The following GNA13 variants were observed in gnomAD, a reference collection of about 807,000 sequenced individuals.
GNA13 encodes G protein subunit alpha 13.
In GNA13, 4 loss-of-function variants were observed where a neutral mutation model predicts 33.5. The ratio of observed to expected loss-of-function variants is 0.12; its 90% CI spans 0.06 to 0.27. The LOEUF (loss-of-function observed/expected upper bound fraction) is 0.27, where lower values mean the gene tolerates loss of function less well. GNA13 is among the 10% of genes least tolerant of loss of function. GNA13 has a pLI of 1.00. For synonymous variants in GNA13, 176 were observed against 183.8 expected (o/e 0.96, Z 0.34); for missense variants, 319 against 487.2 (o/e 0.65, Z 3.25).
At chr17:65,025,456 C>T (rs1362522177) in intron 2 of GNA13, among the ~76,000 whole-genome samples, 1 of 152,162 alleles carries the variant, frequency 6.6e-6, no homozygotes, top group Non-Finnish European at 1.5e-5. Context: ...TTCAAGCTAA[C>T]TCAGATTTTG....
rs749328162 is a variant in GNA13, at chr17:65,014,278, G to A, written c.1113C>T (p.Leu371=). The change falls in exon 4 of 4, where the codon CTC becomes CTT. Residue 371 remains leucine (L), a synonymous_variant. Coordinates refer to ENST00000439174, the MANE Select transcript of GNA13 (RefSeq NM_006572.6). The surrounding 1 kb of genome is among the most constrained non-coding windows in gnomAD (Gnocchi z 5.3). ...DVKDTILHDN[L]KQLMLQ ...TACATCACTGTAGCATAAGCTGCTT[G>A]AGGTTGTCATGCAGAATAGTATCCT... 16 of 1,604,476 alleles carry A rather than the reference G, an allele frequency of 1.0e-5. No individual in the cohort carries two copies. The highest frequency in any genetic ancestry group is 1.7e-5 in the Admixed American group (1 of 59,992).
intron 2 of GNA13, among the ~76,000 whole-genome samples, chr17:65,029,902 A>T (rs957445437): frequency 3.2e-4 from 48 of 152,266 alleles, no homozygotes; most frequent in African/African-American, 1.2e-3. Context: ...TCTGCCACTA[A>T]ATTCCACTTG....
intron 2 of GNA13, among the ~76,000 whole-genome samples, chr17:65,030,626 T>C (rs1343858684): frequency 6.6e-6 from 1 of 152,218 alleles, no homozygotes; most frequent in Non-Finnish European, 1.5e-5. Flanking sequence ...CAGAATTTAA[T>C]TGCAGGCCAA....
intron 3 of GNA13, among the ~76,000 whole-genome samples, chr17:65,016,454 C>T (rs1296065675): frequency 6.6e-6 from 1 of 152,150 alleles, no homozygotes; most frequent in African/African-American, 2.4e-5. Flanking sequence ...CTGCGCCTCC[C>T]AGGTTCAAGC....
At chr17:65,029,777 T>C (rs1906935826) in intron 2 of GNA13, among the ~76,000 whole-genome samples, 3 of 152,230 alleles carry the variant, frequency 2.0e-5, no homozygotes, top group Admixed American at 1.3e-4. Context: ...GAATTTTTTG[T>C]ATTATAACTT....
chr17:65,032,100 C>T (rs1429317825), intron 2 of GNA13, among the ~76,000 whole-genome samples: 1 of 152,064 alleles, frequency 6.6e-6, no homozygotes, highest in Admixed American at 6.6e-5. Flanking sequence ...GAAGTCTATT[C>T]AGAAGCCATT....
intron 2 of GNA13, among the ~76,000 whole-genome samples, chr17:65,035,766 A>G (rs1210183027): frequency 1.3e-5 from 2 of 151,574 alleles, no homozygotes; most frequent in African/African-American, 4.8e-5. Context: ...TCAGAACTAG[A>G]ACCCTTCGTT....
At chr17:65,034,328 T>C (rs1038823861) in intron 2 of GNA13, among the ~76,000 whole-genome samples, 1 of 152,098 alleles carries the variant, frequency 6.6e-6, no homozygotes, top group African/African-American at 2.4e-5. Flanking sequence ...TTCCTCTTTA[T>C]ATCAAGTTTT....
At chr17:65,052,506 C>T (rs981901794) in intron 2 of GNA13, among the ~76,000 whole-genome samples, 1 of 152,196 alleles carries the variant, frequency 6.6e-6, no homozygotes, top group African/African-American at 2.4e-5. Flanking sequence ...GAGTAAAACA[C>T]TTCAGATCTG....
intron 2 of GNA13, among the ~76,000 whole-genome samples, chr17:65,033,219 T>G (rs1277533741): frequency 6.6e-6 from 1 of 152,060 alleles, no homozygotes; most frequent in Non-Finnish European, 1.5e-5. Flanking sequence ...ACACACTGGC[T>G]GACACCTGTA....
At position 65,010,300 on chromosome 17, in the gene GNA13, A is replaced by C. The variant is rs572177961; in HGVS notation, c.*3957T>G. ...TTGATGGAACTTGAAAAAGCCATAAAGTCCAACTTGTTTAAAATGTTCAGA... is the reference window on the plus strand; with the variant it reads ...TTGATGGAACTTGAAAAAGCCATAACGTCCAACTTGTTTAAAATGTTCAGA... On this transcript the variant is annotated 3_prime_UTR_variant, in exon 4 of 4. Coordinates refer to ENST00000439174, the MANE Select transcript of GNA13 (RefSeq NM_006572.6). Among the ~76,000 whole-genome samples, 67 of 152,230 alleles carry C rather than the reference A, an allele frequency of 4.4e-4. No individual in the cohort carries two copies. The highest frequency in any genetic ancestry group is 1.0e-3 in the South Asian group (5 of 4,820).
At position 65,012,511 on chromosome 17, in the gene GNA13, G is replaced by A. The variant is rs1386681290; in HGVS notation, c.*1746C>T. The stretch of plus-strand genomic sequence containing the variant: ...ACCATGAACTTGCATCACGGTGCCG[G>A]GCTACGTATGTGTAGCTCATGGATT... On this transcript the variant is annotated 3_prime_UTR_variant, in exon 4 of 4. Transcript: ENST00000439174. 4 of 218,612 alleles carry A rather than the reference G, an allele frequency of 1.8e-5. No individual in the cohort carries two copies. Among genetic ancestry groups the A allele is most frequent in the Non-Finnish European group, 3.7e-5 (4 of 108,830 alleles). The allele number at this position is 218,612 out of a possible 1,614,324, so 13.5% of individuals were successfully genotyped here. A position where few individuals can be genotyped will look rare whatever the true frequency, so the allele number is the denominator to read the frequency against.
At chr17:65,018,092 T>TTAA (rs1906437129) in intron 3 of GNA13, among the ~76,000 whole-genome samples, 161 bp downstream of exon 3, 1 of 21,474 alleles carries the variant, frequency 4.7e-5, no homozygotes, top group African/African-American at 1.4e-4. Context: ...ACGCCACCAC[T>TTAA]AAAAAAAAAA....
At chr17:65,046,698 C>T (rs1045222338) in intron 2 of GNA13, among the ~76,000 whole-genome samples, 2 of 152,164 alleles carry the variant, frequency 1.3e-5, no homozygotes, top group Non-Finnish European at 2.9e-5. Context: ...AGTAAGCTCA[C>T]AAACCTTTTT....
intron 2 of GNA13, among the ~76,000 whole-genome samples, chr17:65,028,174 T>A (rs527752960): frequency 6.6e-6 from 1 of 152,120 alleles, no homozygotes; most frequent in African/African-American, 2.4e-5. Context: ...TGCAGTGAGC[T>A]GAGATCGCGT....
At chr17:65,025,587 C>T (rs1275204754) in intron 2 of GNA13, among the ~76,000 whole-genome samples, 3 of 152,146 alleles carry the variant, frequency 2.0e-5, no homozygotes, top group Admixed American at 6.5e-5. Flanking sequence ...CTCTAAGGAA[C>T]TTGAAACCTC....
intron 3 of GNA13, among the ~76,000 whole-genome samples, chr17:65,017,846 A>G (rs1355650225): frequency 1.3e-5 from 2 of 152,182 alleles, no homozygotes; most frequent in East Asian, 1.9e-4. Flanking sequence ...ATACTAAAGT[A>G]TAACAGATAA....
intron 2 of GNA13, among the ~76,000 whole-genome samples, chr17:65,052,491 T>C (rs1907892203): frequency 6.6e-6 from 1 of 152,214 alleles, no homozygotes; most frequent in African/African-American, 2.4e-5. Flanking sequence ...ATTTTAATCA[T>C]ATTAGAGTAA....
At chr17:65,018,346 T>C in intron 2 of GNA13, 43 bp from the exon 3 acceptor site, 1 of 957,356 alleles carries the variant, frequency 1.0e-6, no homozygotes, top group Non-Finnish European at 1.7e-6. Context: ...GGCTTAGAAA[T>C]GGAAGATCTT....
Sources: gnomAD v4.1 joint callset for allele counts (sites outside exome capture counted in the v4.1 genomes callset) on GRCh38, gnomAD v4.1.1 for gene constraint, Gnocchi (gnomAD v3.1) non-coding constraint, MANE v1.5 for transcripts, NCBI Gene and HGNC (gene_info 2026-07-23, HGNC 2026-07-21) for gene names.